The following FUS variants were observed in gnomAD, a reference collection of about 807,000 sequenced individuals.
The protein encoded by FUS is RNA-binding protein FUS.
In FUS, 5 loss-of-function variants were observed where a neutral mutation model predicts 82.7. The ratio of observed to expected loss-of-function variants is 0.06; its 90% CI spans 0.03 to 0.13. FUS has a LOEUF of 0.13. Among genes scored for constraint, FUS ranks in the 10% least tolerant of loss-of-function variants. FUS has a pLI of 1.00. For synonymous variants in FUS, 281 were observed against 247.4 expected (o/e 1.14, Z -1.27); for missense variants, 512 against 707.8 (o/e 0.72, Z 3.14).
At chr16:31,187,772 T>TA (rs374614664) in intron 7 of FUS, 3 of 237,628 alleles carry the variant, frequency 1.3e-5, no homozygotes, top group Non-Finnish European at 2.5e-5. Flanking sequence ...GGGACATGCT[T>TA]AAAAAATACA....
Position 31,190,836 on chromosome 16 carries a change from C to T in FUS, c.1387C>T (p.His463Tyr), listed in dbSNP as rs892778782. ...DGPGGGPGGS[H>Y]MGGNYGDDRR... is the part of the protein sequence containing the mutation. Reference sequence around the variant, plus strand: ...CCCAGGAGGGGGACCAGGTGGCTCTCACATGGGTAAGAAAGGCAGACCTGG... The same window carrying T: ...CCCAGGAGGGGGACCAGGTGGCTCTTACATGGGTAAGAAAGGCAGACCTGG... The change falls in exon 13 of 15, where the codon CAC becomes TAC. Residue 463 changes from histidine (H) to tyrosine (Y), a missense_variant. By Grantham distance (83) the His-to-Tyr change is moderately conservative. Coordinates refer to ENST00000254108, the MANE Select transcript of FUS (RefSeq NM_004960.4). 1.2e-6 allele frequency: 2 copies of T among 1,614,100 alleles called. No homozygotes were observed. The highest frequency in any genetic ancestry group is 2.2e-5 in the East Asian group (1 of 44,894).
At chr16:31,183,411 G>T (rs2079211452) in intron 3 of FUS, 1 of 174,422 alleles carries the variant, frequency 5.7e-6, no homozygotes. Flanking sequence ...TCTAAAGGAA[G>T]AACCAGTTTT....
downstream of FUS, chr16:31,191,808 A>G (rs1295022763): frequency 1.8e-6 from 1 of 568,644 alleles, no homozygotes; most frequent in East Asian, 3.7e-5. Flanking sequence ...AATGAAGAAC[A>G]TGGGATGTCA....
At chr16:31,192,256 A>T (rs1190562793), downstream of FUS, 1 of 526,330 alleles carries the variant, frequency 1.9e-6, no homozygotes, top group Admixed American at 2.2e-5. Flanking sequence ...TTTTGATTGG[A>T]GGGTGGAAGG....
downstream of FUS, chr16:31,194,611 A>G (rs1478526545): frequency 2.0e-6 from 1 of 493,426 alleles, no homozygotes; most frequent in East Asian, 4.6e-5. Flanking sequence ...GGCTATGAAA[A>G]TTTTATTTTT....
rs112770991 is a variant in FUS at position 31,190,143 on chromosome 16, T to G, written c.1168+2T>G. ...GTCGTGGAGGCCGAGGGCGAGGAGG[T>G]GAGGAGCTACCTGCTAGTGGTGCAG... On this transcript the variant is annotated splice_donor_variant, in intron 11 of 14. Coordinates refer to ENST00000254108, the MANE Select transcript of FUS (RefSeq NM_004960.4). LOFTEE classifies it high-confidence loss of function. 1 of 1,613,220 alleles carries G rather than the reference T, an allele frequency of 6.2e-7. No individual in the cohort carries two copies. The highest frequency in any genetic ancestry group is 8.5e-7 in the Non-Finnish European group (1 of 1,179,844).
chr16:31,180,337 C>A, intron 1 of FUS, 110 bp downstream of exon 1: 1 of 1,412,690 alleles, frequency 7.1e-7, no homozygotes, highest in Non-Finnish European at 9.7e-7. Context: ...GATTTTTTGG[C>A]GCCCCTGTGG....
chr16:31,183,266 C>T (rs967885814), intron 3 of FUS: 1 of 171,918 alleles, frequency 5.8e-6, no homozygotes, highest in African/African-American at 2.4e-5. Context: ...GTTGAGGCCC[C>T]ATCTCAAAAA....
At chr16:31,183,733 C>T in intron 3 of FUS, 125 bp from the exon 4 acceptor site, 1 of 1,186,692 alleles carries the variant, frequency 8.4e-7, no homozygotes, top group South Asian at 1.2e-5. Context: ...CTATGAGTTG[C>T]AACATCACTA....
Position 31,182,369 on chromosome 16 carries a change from GATA to G in FUS, c.14-26_14-24del, listed in dbSNP as rs2079192261. ...CAACTCTTTCAGAGTGGCAGCTGAA[GATA>G]ATGTGATTGTATTTTTCTTTTGCAG... On this transcript the variant is annotated intron_variant, in intron 1 of 14. Coordinates refer to ENST00000254108, the MANE Select transcript of FUS (RefSeq NM_004960.4). The G allele has an allele frequency of 1.9e-6, 3 of 1,613,550 alleles. No individual in the cohort carries two copies. The East Asian group carries it at 6.7e-5, about 36-fold the overall frequency.
chr16:31,188,867 C>T (rs2079311192), intron 8 of FUS: 1 of 534,676 alleles, frequency 1.9e-6, no homozygotes, highest in Non-Finnish European at 3.3e-6. Flanking sequence ...TCTTGTTGGG[C>T]ATTTCACTCC....
At chr16:31,184,071 C>G in intron 4 of FUS, 69 bp downstream of exon 4, 1 of 1,612,304 alleles carries the variant, frequency 6.2e-7, no homozygotes, top group Admixed American at 1.7e-5. Flanking sequence ...ATAAAGGGAC[C>G]AGCAGTAGGA....
chr16:31,181,280 G>C (rs149378957), intron 1 of FUS, among the ~76,000 whole-genome samples: 1 of 152,354 alleles, frequency 6.6e-6, no homozygotes, highest in Non-Finnish European at 1.5e-5. Context: ...CCCTCTCCTG[G>C]TCCTCTTTCC....
At chr16:31,192,217 G>A (rs1321233585), downstream of FUS, 3 of 526,246 alleles carry the variant, frequency 5.7e-6, no homozygotes, top group Non-Finnish European at 1.1e-5. Context: ...TGAGGTCATT[G>A]ACATTATGAG....
downstream of FUS, chr16:31,193,800 G>A (rs1444090603): frequency 5.8e-6 from 3 of 515,872 alleles, no homozygotes; most frequent in South Asian, 4.8e-5. Context: ...CCACACCTGG[G>A]TAATTTTTTT....
At chr16:31,182,718 CTTT>C in intron 3 of FUS, 54 bp downstream of exon 3, 1 of 1,611,040 alleles carries the variant, frequency 6.2e-7, no homozygotes, top group East Asian at 2.2e-5. Flanking sequence ...TATTGCTTTT[CTTT>C]TTCTTGTTTT....
chr16:31,184,198 G>C lies in FUS; in HGVS notation c.336-11G>C. 1 of 1,614,164 alleles carries C rather than the reference G, an allele frequency of 6.2e-7. No individual in the cohort carries two copies. Among genetic ancestry groups the C allele is most frequent in the Non-Finnish European group, 8.5e-7 (1 of 1,180,028 alleles). On this transcript the variant is annotated splice_polypyrimidine_tract_variant and intron_variant, in intron 4 of 14. Coordinates refer to ENST00000254108, the MANE Select transcript of FUS (RefSeq NM_004960.4). ...GGGATTGTGATTGTGTTTTTTGTTT[G>C]TTTTCCCTAGTTACGGTAGCAGTTC...
chr16:31,180,590 C>T (rs1172153819), intron 1 of FUS, among the ~76,000 whole-genome samples: 1 of 152,262 alleles, frequency 6.6e-6, no homozygotes, highest in East Asian at 1.9e-4. Context: ...CGCAGTGCTG[C>T]ATCCGGGCAC....
chr16:31,190,927 A>T (rs751562973), intron 13 of FUS, 36 bp from the exon 14 acceptor site: 2 of 1,611,988 alleles, frequency 1.2e-6, no homozygotes, highest in Non-Finnish European at 1.7e-6. Context: ...ACATAGGGGA[A>T]TGGGAATATG....
Sources: gnomAD v4.1 joint callset for allele counts (sites outside exome capture counted in the v4.1 genomes callset) on GRCh38, gnomAD v4.1.1 for gene constraint, MANE v1.5 for transcripts, NCBI Gene and HGNC (gene_info 2026-07-23, HGNC 2026-07-21) for gene names.